The following KLF12 variants were observed in gnomAD, a reference collection of about 807,000 sequenced individuals.
The protein encoded by KLF12 is Krueppel-like factor 12.
A neutral mutation model predicts 37.8 loss-of-function variants in KLF12; 9 were observed. The ratio of observed to expected loss-of-function variants is 0.24; its 90% CI spans 0.14 to 0.42. The LOEUF is 0.42. Among genes scored for constraint, KLF12 ranks in the 10% least tolerant of loss-of-function variants. The pLI is 1.00. For synonymous variants in KLF12, 208 were observed against 202.1 expected (o/e 1.03, Z -0.25); for missense variants, 411 against 516.0 (o/e 0.80, Z 1.97).
chr13:73,714,357 T>G (rs919870787), intron 7 of KLF12, among the ~76,000 whole-genome samples: 4 of 152,178 alleles, frequency 2.6e-5, no homozygotes, highest in African/African-American at 9.7e-5. Context: ...TTTCAATTAT[T>G]TTGATACCTA....
chr13:74,108,430 A>G (rs1278090839), intron 1 of KLF12, among the ~76,000 whole-genome samples: 1 of 152,202 alleles, frequency 6.6e-6, no homozygotes, highest in Non-Finnish European at 1.5e-5. Context: ...ATAAAAGTTA[A>G]CATATTTATA....
chr13:73,788,807 A>T (rs879534674), intron 5 of KLF12, among the ~76,000 whole-genome samples: 2 of 152,178 alleles, frequency 1.3e-5, no homozygotes, highest in African/African-American at 4.8e-5. Context: ...TAAAGTATGA[A>T]ACTTGCACCT....
At chr13:73,733,390 G>A (rs1264616987) in intron 6 of KLF12, among the ~76,000 whole-genome samples, 1 of 151,956 alleles carries the variant, frequency 6.6e-6, no homozygotes, top group Admixed American at 6.6e-5. Context: ...CCTCATATAA[G>A]TAGAATCATA....
At chr13:74,256,688 T>TTGTGTGTGTGTG in the KLF12 span, among the ~76,000 whole-genome samples, 11,671 of 147,878 alleles carry the variant, frequency 0.079, 571 homozygotes, top group East Asian at 0.21. Flanking sequence ...TGAGTAGAGC[T>TTGTGTGTGTGTG]TGTGTGTGTG....
At chr13:73,868,324 C>T (rs368846426) in intron 3 of KLF12, among the ~76,000 whole-genome samples, 2 of 718 alleles carry the variant, frequency 2.8e-3, no homozygotes, top group Non-Finnish European at 7.0e-3. Flanking sequence ...AAGGCGGGGG[C>T]GGTGGGGGGG....
intron 1 of KLF12, among the ~76,000 whole-genome samples, chr13:74,050,706 C>T (rs1872862913): frequency 6.6e-6 from 1 of 152,136 alleles, no homozygotes; most frequent in Non-Finnish European, 1.5e-5. Context: ...GCAACAAAAG[C>T]AAACATCAAC....
rs1000645316 is a variant in KLF12 at position 73,893,403 on chromosome 13, C to T, written c.124-47030G>A. ...TTTTTTTTTTTTTTTTGAGACAGAG[C>T]CTCAGCCTCACTCTTTCGCCCAGGC... On this transcript the variant is annotated intron_variant, in intron 3 of 7. Transcript: ENST00000377669. 7.2e-5 allele frequency among the ~76,000 whole-genome samples: 10 copies of T among 138,324 alleles called. No homozygotes were observed. The East Asian group carries it at 1.6e-3, about 22-fold the overall frequency. 90.7% of individuals were successfully genotyped at this position (138,324 alleles called of 152,430 possible). A position where few individuals can be genotyped will look rare whatever the true frequency, so the allele number is the denominator to read the frequency against.
At chr13:74,057,089 T>C (rs1396457137) in intron 1 of KLF12, among the ~76,000 whole-genome samples, 2 of 152,232 alleles carry the variant, frequency 1.3e-5, no homozygotes, top group African/African-American at 2.4e-5. Context: ...TACAAGCTGC[T>C]GAATCCTGAA....
chr13:74,009,099 A>G (rs1892484027), intron 1 of KLF12, among the ~76,000 whole-genome samples: 1 of 152,200 alleles, frequency 6.6e-6, no homozygotes, highest in African/African-American at 2.4e-5. Flanking sequence ...TCTGAAGGTG[A>G]GTAGAGAGGA....
chr13:73,971,515 CTT>C (rs58100232), intron 2 of KLF12, among the ~76,000 whole-genome samples: 7,281 of 152,052 alleles, frequency 0.048, 363 homozygotes, highest in African/African-American at 0.13. Context: ...ATGACAGTAT[CTT>C]TTTTAAGACA....
At chr13:74,087,591 A>G (rs1193738909) in intron 1 of KLF12, among the ~76,000 whole-genome samples, 10 of 151,978 alleles carry the variant, frequency 6.6e-5, no homozygotes, top group African/African-American at 2.2e-4. Flanking sequence ...ATGAAGATGC[A>G]CTCCCTGCTC....
intron 2 of KLF12, among the ~76,000 whole-genome samples, 156 bp from the exon 3 acceptor site, chr13:73,944,226 T>A (rs971801725): frequency 2.6e-5 from 4 of 152,262 alleles, no homozygotes; most frequent in African/African-American, 9.6e-5. Context: ...TAACCAATTA[T>A]CCCCCTACTC....
chr13:74,138,525 A>G (rs1223210518), upstream of KLF12, among the ~76,000 whole-genome samples: 1 of 152,228 alleles, frequency 6.6e-6, no homozygotes. Flanking sequence ...GGTAAACAAC[A>G]TGTTTTGATT....
At chr13:74,216,531 C>G in the KLF12 span, among the ~76,000 whole-genome samples, 53 of 152,226 alleles carry the variant, frequency 3.5e-4, no homozygotes, top group South Asian at 0.011. Context: ...GGTGAAGGAC[C>G]AGGGTAGATA....
At chr13:74,209,620 T>A in the KLF12 span, among the ~76,000 whole-genome samples, 2 of 151,886 alleles carry the variant, frequency 1.3e-5, no homozygotes, top group African/African-American at 4.8e-5. Context: ...GTCCACCTCT[T>A]ACTAGCTGTG....
intron 4 of KLF12, among the ~76,000 whole-genome samples, chr13:73,829,984 T>C (rs1036277968): frequency 3.9e-5 from 6 of 152,218 alleles, no homozygotes; most frequent in Non-Finnish European, 5.9e-5. Flanking sequence ...TAAATTATGA[T>C]TGAAAGGAGG....
chr13:73,695,655 C>T lies in KLF12; in HGVS notation c.1044G>A (p.Lys348=). The change falls in exon 8 of 8, where the codon AAG becomes AAA. Residue 348 remains lysine (K), a synonymous_variant. Transcript: ENST00000377669. The stretch of plus-strand genomic sequence containing the variant: ...TCCAGGTGCAGCCTTCCCAGGTACA[C>T]TTGTAAGGTTTCTCTCCTGGAAGAA... The T allele has an allele frequency of 6.2e-7, 1 of 1,614,002 alleles. No individual in the cohort carries two copies. The highest frequency in any genetic ancestry group is 8.5e-7 in the Non-Finnish European group (1 of 1,179,898).
chr13:73,947,272 A>T (rs888103622), intron 2 of KLF12, among the ~76,000 whole-genome samples: 5 of 152,234 alleles, frequency 3.3e-5, no homozygotes, highest in African/African-American at 1.2e-4. Flanking sequence ...ATGAAAAATC[A>T]TCCATAGAAT....
chr13:74,129,841 A>C (rs1227239703), intron 1 of KLF12, among the ~76,000 whole-genome samples: 4 of 152,218 alleles, frequency 2.6e-5, no homozygotes, highest in Non-Finnish European at 5.9e-5. Flanking sequence ...AAACGGAAAA[A>C]TCCTTTTGTA....
Sources: gnomAD v4.1 joint callset for allele counts (sites outside exome capture counted in the v4.1 genomes callset) on GRCh38, gnomAD v4.1.1 for gene constraint, MANE v1.5 for transcripts, NCBI Gene and HGNC (gene_info 2026-07-23, HGNC 2026-07-21) for gene names.